Variants in CIDEA observed in about 807,000 individuals in gnomAD.
The protein encoded by CIDEA is lipid transferase CIDEA.
A neutral mutation model predicts 18.2 loss-of-function variants in CIDEA; 10 were observed. The ratio of observed to expected loss-of-function variants is 0.55; its 90% CI spans 0.34 to 0.93. The LOEUF (loss-of-function observed/expected upper bound fraction) is 0.93. Among genes scored for constraint, CIDEA ranks in the 40% least tolerant of loss-of-function variants. The pLI is 0.02. For missense variants in CIDEA, 309 were observed against 293.1 expected, an observed-to-expected ratio of 1.05 and a Z score of -0.40; for synonymous variants, 128 against 124.8, an observed-to-expected ratio of 1.03 and a Z score of -0.17.
chr18:12,268,048 G>A (rs756321152), intron 3 of CIDEA, among the ~76,000 whole-genome samples: 3 of 152,012 alleles, frequency 2.0e-5, no homozygotes, highest in Non-Finnish European at 4.4e-5. Context: ...ATTCCCAATA[G>A]TCAAAATTGT....
In CIDEA at chr18:12,254,775, G is replaced by C. The variant is rs966081639; in HGVS notation, c.38+354G>C. 6.5e-6 allele frequency: 9 copies of C among 1,379,720 alleles called. 1 individual carries two copies. The highest frequency in any genetic ancestry group is 8.7e-6 in the Non-Finnish European group (9 of 1,038,698). 85.5% of individuals were successfully genotyped at this position (1,379,720 alleles called of 1,614,324 possible). The stretch of plus-strand genomic sequence containing the variant: ...GGCCGCTGCTGCAGTCGCGGGCGCA[G>C]AAGAGGGTCCGGTCCCAGGAACCCC... On this transcript the variant is annotated intron_variant, in intron 1 of 4. Transcript: ENST00000320477.
chr18:12,267,347 A>C (rs572836740), intron 3 of CIDEA, among the ~76,000 whole-genome samples: 1 of 152,326 alleles, frequency 6.6e-6, no homozygotes, highest in South Asian at 2.1e-4. Flanking sequence ...GTAAATACAC[A>C]CGAAGAAACT....
At chr18:12,277,041 G>T (rs987527604) in intron 4 of CIDEA, 82 bp from the exon 5 acceptor site, 2 of 1,499,538 alleles carry the variant, frequency 1.3e-6, no homozygotes, top group Admixed American at 3.5e-5. Flanking sequence ...TTTTGGTGGG[G>T]GGAGTGAAGT....
chr18:12,260,915 G>A (rs1353345040), intron 1 of CIDEA, among the ~76,000 whole-genome samples: 1 of 152,198 alleles, frequency 6.6e-6, no homozygotes, highest in Non-Finnish European at 1.5e-5. Flanking sequence ...CCTGTGGTAG[G>A]TGGGTGCTCT....
At chr18:12,261,280 A>G (rs1255004261) in intron 1 of CIDEA, among the ~76,000 whole-genome samples, 1 of 152,146 alleles carries the variant, frequency 6.6e-6, no homozygotes, top group Admixed American at 6.5e-5. Flanking sequence ...GCTACTCAGG[A>G]GGCTGAGGCA....
chr18:12,264,763 C>CAGGAT lies in CIDEA; in HGVS notation c.330+311_330+315dup, dbSNP rs575081851. On this transcript the variant is annotated intron_variant, in intron 3 of 4. Transcript: ENST00000320477. ...AGAGACGGGGTTTCACCGTGTTAGC[C>CAGGAT]AGGATGGTCTCGATCTCCTGACCTC... 5.8e-3 allele frequency among the ~76,000 whole-genome samples: 877 copies of CAGGAT among 152,272 alleles called. 7 individuals carry two copies. The highest frequency in any genetic ancestry group is 8.0e-3 in the Non-Finnish European group (545 of 68,028).
intron 4 of CIDEA, among the ~76,000 whole-genome samples, chr18:12,275,999 T>A (rs1905319831): frequency 6.9e-6 from 1 of 145,182 alleles, no homozygotes; most frequent in African/African-American, 2.5e-5. Context: ...TTTTCTTATT[T>A]TTTTTCTTTT....
intron 3 of CIDEA, 119 bp from the exon 4 acceptor site, chr18:12,273,974 A>G: frequency 9.6e-7 from 1 of 1,044,020 alleles, no homozygotes; most frequent in Non-Finnish European, 1.4e-6. Context: ...TTAGCCACGG[A>G]GCCGCTCACA....
At position 12,264,453 on chromosome 18, in the gene CIDEA, G is replaced by A. The variant is rs149175539; in HGVS notation, c.330G>A (p.Pro110=). ...TGGAAAAAGGACAGAAGTGGATGCCGGTAAGCAAAAACACTGTCACCCAAA... is the reference window on the plus strand; with the variant it reads ...TGGAAAAAGGACAGAAGTGGATGCCAGTAAGCAAAAACACTGTCACCCAAA... ...MILEKGQKWM[P]GSQHVPTCSP... is the part of the protein sequence containing the mutation. Residue 110 remains proline, a splice_region_variant and synonymous_variant, in exon 3 of 5, where the codon CCG becomes CCA. Coordinates refer to ENST00000320477, the MANE Select transcript of CIDEA (RefSeq NM_001279.4). The A allele has an allele frequency of 9.9e-6, 16 of 1,611,088 alleles. No individual in the cohort carries two copies. The highest frequency in any genetic ancestry group is 2.7e-5 in the African/African-American group (2 of 74,712).
At chr18:12,255,351 A>G (rs764010135) in intron 1 of CIDEA, among the ~76,000 whole-genome samples, 1 of 152,202 alleles carries the variant, frequency 6.6e-6, no homozygotes, top group Non-Finnish European at 1.5e-5. Context: ...CATGTGTGAA[A>G]GGGAGCGGTC....
chr18:12,257,553 G>A (rs189413521), intron 1 of CIDEA, among the ~76,000 whole-genome samples: 2 of 152,240 alleles, frequency 1.3e-5, no homozygotes, highest in East Asian at 1.9e-4. Flanking sequence ...AGTTGGCGGC[G>A]CCCTGCCTCC....
At chr18:12,265,678 A>G (rs536935296) in intron 3 of CIDEA, among the ~76,000 whole-genome samples, 103 of 152,342 alleles carry the variant, frequency 6.8e-4, no homozygotes, top group Non-Finnish European at 1.2e-3. Flanking sequence ...CCCCGTTTCC[A>G]GGATTGATAG....
intron 1 of CIDEA, among the ~76,000 whole-genome samples, chr18:12,255,234 T>A (rs1911996884): frequency 6.6e-6 from 1 of 152,152 alleles, no homozygotes; most frequent in South Asian, 2.1e-4. Context: ...TCTCTGAAGA[T>A]CAAGTACCTG....
At position 12,255,050 on chromosome 18, in the gene CIDEA, C is replaced by A. The variant is rs909506779; in HGVS notation, c.38+629C>A. The A allele has an allele frequency of 2.8e-5, 21 of 740,908 alleles. No individual in the cohort carries two copies. The South Asian group carries it at 3.6e-4, about 13-fold the overall frequency. 45.9% of individuals were successfully genotyped at this position (740,908 alleles called of 1,614,324 possible). A position where few individuals can be genotyped will look rare whatever the true frequency, so the allele number is the denominator to read the frequency against. On this transcript the variant is annotated intron_variant, in intron 1 of 4. Coordinates refer to ENST00000320477, the MANE Select transcript of CIDEA (RefSeq NM_001279.4). ...CAGGGGGGACAAGGGGCGGGTGGAC[C>A]CTGAGGAGTCTTCCCTGCGCTTCGC... is the stretch of plus-strand genomic sequence containing the variant.
At chr18:12,264,146 CA>C (rs1912274916) in intron 2 of CIDEA, among the ~76,000 whole-genome samples, 160 bp from the exon 3 acceptor site, 1 of 152,188 alleles carries the variant, frequency 6.6e-6, no homozygotes, top group Admixed American at 6.5e-5. Flanking sequence ...TGTTTCCAAG[CA>C]AAGACTGAGT....
intron 3 of CIDEA, among the ~76,000 whole-genome samples, chr18:12,268,165 A>G (rs1912405288): frequency 7.1e-6 from 1 of 140,954 alleles, no homozygotes; most frequent in Non-Finnish European, 1.5e-5. Flanking sequence ...CCTGGCTTCA[A>G]GGGATCCTCC....
intron 1 of CIDEA, among the ~76,000 whole-genome samples, chr18:12,257,877 C>G (rs1290746970): frequency 1.3e-5 from 2 of 152,140 alleles, no homozygotes; most frequent in Non-Finnish European, 2.9e-5. Flanking sequence ...AGAGATGACT[C>G]TACTCAGCGG....
At chr18:12,256,518 C>G (rs1020702010) in intron 1 of CIDEA, among the ~76,000 whole-genome samples, 1 of 152,200 alleles carries the variant, frequency 6.6e-6, no homozygotes, top group Non-Finnish European at 1.5e-5. Flanking sequence ...CAAGGAGGTC[C>G]ACATGCAGGT....
In CIDEA at chr18:12,277,314, G is replaced by A. The variant is rs771748631; in HGVS notation, c.*44G>A. The A allele has an allele frequency of 9.3e-6, 15 of 1,609,406 alleles. No individual in the cohort carries two copies. Among genetic ancestry groups the A allele is most frequent in the East Asian group, 6.7e-5 (3 of 44,846 alleles). On this transcript the variant is annotated 3_prime_UTR_variant, in exon 5 of 5. Transcript: ENST00000320477. The stretch of plus-strand genomic sequence containing the variant: ...GCTCTTGAGCCAAACACTGTGTTTC[G>A]TTTGGCTCAATGACGAATGTTGAAG...
Sources: gnomAD v4.1 joint callset for allele counts (sites outside exome capture counted in the v4.1 genomes callset) on GRCh38, gnomAD v4.1.1 for gene constraint, MANE v1.5 for transcripts, NCBI Gene and HGNC (gene_info 2026-07-23, HGNC 2026-07-21) for gene names.